The following ABCG8 variants were observed in gnomAD, a reference collection of about 807,000 sequenced individuals.
ABCG8 encodes the protein ATP binding cassette subfamily G member 8, also known as ATP-binding cassette sub-family G member 8.
In ABCG8, 81 loss-of-function variants were observed where a neutral mutation model predicts 71.3. The observed-to-expected ratio is 1.14, with a 90% CI of 0.95 to 1.37. ABCG8 has a LOEUF of 1.37. Ranked by LOEUF, ABCG8 falls within the 40% of genes most tolerant of loss-of-function variation. ABCG8 has a pLI of 0.00. For missense variants in ABCG8, 1,119 were observed against 866.2 expected (o/e 1.29, Z -3.66); for synonymous variants, 451 against 354.7 (o/e 1.27, Z -3.05).
At position 43,877,866 on chromosome 2, in the gene ABCG8, T is replaced by A; in HGVS notation, c.1975T>A (p.Tyr659Asn). 1.9e-6 allele frequency: 3 copies of A among 1,614,122 alleles called. No individual in the cohort carries two copies. The highest frequency in any genetic ancestry group is 2.5e-6 in the Non-Finnish European group (3 of 1,180,016). The change falls in exon 13 of 13, where the codon TAC (tyrosine) becomes AAC (asparagine). Residue 659 changes from tyrosine to asparagine, a missense_variant. Tyr to Asn is a moderately radical substitution (Grantham distance 143). Coordinates refer to ENST00000272286, the MANE Select transcript of ABCG8 (RefSeq NM_022437.3). The part of the protein sequence containing the change: ...GLSGGFMVLY[Y>N]VSLRFIKQKP... Reference sequence around the variant, plus strand: ...CAGCGGTGGCTTCATGGTCCTGTACTACGTGTCCTTAAGGTTCATCAAACA... The same window carrying A: ...CAGCGGTGGCTTCATGGTCCTGTACAACGTGTCCTTAAGGTTCATCAAACA...
intron 6 of ABCG8, among the ~76,000 whole-genome samples, chr2:43,860,403 A>G (rs1669269058): frequency 6.6e-6 from 1 of 150,624 alleles, no homozygotes; most frequent in Admixed American, 6.6e-5. Flanking sequence ...TGTTTGGTAC[A>G]GTTCTCACGA....
At chr2:43,877,098 G>A (rs1168103081) in intron 11 of ABCG8, among the ~76,000 whole-genome samples, 1 of 145,318 alleles carries the variant, frequency 6.9e-6, no homozygotes, top group African/African-American at 2.6e-5. Flanking sequence ...AGGAAACTGT[G>A]AATATGGGGG....
chr2:43,851,742 T>G lies in ABCG8; in HGVS notation c.481T>G (p.Leu161Val). ...CCAGCACAACCAGCTGCTCCCCAACTTGACTGTGCGAGAGACCTTGGCCTT... is the reference window on the plus strand; with the variant it reads ...CCAGCACAACCAGCTGCTCCCCAACGTGACTGTGCGAGAGACCTTGGCCTT... The part of the protein sequence containing the change: ...VRQHNQLLPN[L>V]TVRETLAFIA... Residue 161 changes from leucine (L) to valine (V), a missense_variant, in exon 4 of 13, where the codon TTG (leucine) becomes GTG (valine). Leu to Val is a conservative substitution (Grantham distance 32, BLOSUM62 1). Coordinates refer to ENST00000272286, the MANE Select transcript of ABCG8 (RefSeq NM_022437.3). 6.2e-7 allele frequency: 1 copy of G among 1,614,236 alleles called. No homozygotes were observed. The highest frequency in any genetic ancestry group is 8.5e-7 in the Non-Finnish European group (1 of 1,180,034).
intron 3 of ABCG8, chr2:43,846,866 C>T (rs1360890489): frequency 5.3e-6 from 1 of 189,066 alleles, no homozygotes; most frequent in Non-Finnish European, 1.1e-5. Context: ...GCTTGGGGAA[C>T]AGAGGTCATT....
rs530764877 is a variant in ABCG8 at position 43,866,293 on chromosome 2, T to C, written c.965-5683T>C. 7.3e-3 allele frequency among the ~76,000 whole-genome samples: 1,102 copies of C among 151,446 alleles called. 7 individuals carry two copies. Among genetic ancestry groups the C allele is most frequent in the Non-Finnish European group, 0.012 (780 of 67,660 alleles). On this transcript the variant is annotated intron_variant, in intron 6 of 12. Coordinates refer to ENST00000272286, the MANE Select transcript of ABCG8 (RefSeq NM_022437.3). ...TCAGGACATAGGCACGGGCAAGGACTTCATGTCTAAAACACCAAAAGCAAT... is the reference window on the plus strand; with the variant it reads ...TCAGGACATAGGCACGGGCAAGGACCTCATGTCTAAAACACCAAAAGCAAT...
At chr2:43,876,887 C>G (rs1368766198) in intron 11 of ABCG8, among the ~76,000 whole-genome samples, 1 of 146,288 alleles carries the variant, frequency 6.8e-6, no homozygotes, top group Non-Finnish European at 1.5e-5. Context: ...ATGGGGAGAC[C>G]ATGGGAATAT....
rs1485220077 is a variant in ABCG8 at position 43,852,418 on chromosome 2, A to G, written c.626A>G (p.Tyr209Cys). 1 of 1,612,614 alleles carries G rather than the reference A, an allele frequency of 6.2e-7. No individual in the cohort carries two copies. Among genetic ancestry groups the G allele is most frequent in the South Asian group, 1.1e-5 (1 of 91,010 alleles). The change falls in exon 5 of 13, where the codon TAC (tyrosine) becomes TGC (cysteine). Residue 209 changes from tyrosine (Y) to cysteine (C), a missense_variant. Physicochemically the swap from Tyr to Cys is radical, Grantham distance 194 (BLOSUM62 -2). Coordinates refer to ENST00000272286, the MANE Select transcript of ABCG8 (RefSeq NM_022437.3). The stretch of plus-strand genomic sequence containing the variant: ...GCTGACACCCGCGTGGGCAACATGT[A>G]CGTGCGGGGGTTGTCGGGGGGTGAG... ...QCADTRVGNM[Y>C]VRGLSGGERR...
chr2:43,868,109 G>T (rs1669599277), intron 6 of ABCG8, among the ~76,000 whole-genome samples: 1 of 150,998 alleles, frequency 6.6e-6, no homozygotes, highest in African/African-American at 2.4e-5. Context: ...CTCACTGTCT[G>T]CCTGGATCGA....
Position 43,846,227 on chromosome 2 carries a change from T to C in ABCG8, c.238T>C (p.Cys80Arg). The change falls in exon 3 of 13, where the codon TGC becomes CGC. Residue 80 changes from cysteine to arginine, a missense_variant. Transcript: ENST00000272286. ...QFKMPWTSPS[C>R]QNSCELGIQN... is the part of the protein sequence containing the mutation. Reference sequence around the variant, plus strand: ...CAAGATGCCCTGGACATCTCCCAGCTGCCAGAATTCTTGTGAGCTGGGCAT... The same window carrying C: ...CAAGATGCCCTGGACATCTCCCAGCCGCCAGAATTCTTGTGAGCTGGGCAT... The C allele has an allele frequency of 1.9e-6, 3 of 1,614,180 alleles. No homozygotes were observed. The highest frequency in any genetic ancestry group is 2.5e-6 in the Non-Finnish European group (3 of 1,180,016).
At position 43,843,857 on chromosome 2, in the gene ABCG8, T is replaced by A. The variant is rs369377203; in HGVS notation, c.64-650T>A. On this transcript the variant is annotated intron_variant, in intron 1 of 12. Coordinates refer to ENST00000272286, the MANE Select transcript of ABCG8 (RefSeq NM_022437.3). ...TTCGACAATAACAACAACATGATGATGATGATGAGAGGGACTTCCTCTCAA... is the reference window on the plus strand; with the variant it reads ...TTCGACAATAACAACAACATGATGAAGATGATGAGAGGGACTTCCTCTCAA... 3.9e-5 allele frequency among the ~76,000 whole-genome samples: 6 copies of A among 152,294 alleles called. No individual in the cohort carries two copies. In the East Asian group the frequency reaches 9.6e-4, roughly 24 times the overall value.
chr2:43,851,555 T>C, intron 3 of ABCG8, 29 bp from the exon 4 acceptor site: 1 of 1,612,450 alleles, frequency 6.2e-7, no homozygotes, highest in Non-Finnish European at 8.5e-7. Context: ...GAAGCTCCGC[T>C]CTCAGGGATA....
At chr2:43,868,447 G>C (rs1669613616) in intron 6 of ABCG8, among the ~76,000 whole-genome samples, 1 of 148,842 alleles carries the variant, frequency 6.7e-6, no homozygotes, top group African/African-American at 2.5e-5. Flanking sequence ...GATAGAATTC[G>C]CACTATCTAT....
Position 43,879,943 on chromosome 2 carries a change from C to T in ABCG8, c.*2030C>T, listed in dbSNP as rs890597939. ...CATTTTGTAAGTGGGTACTTTGAAA[C>T]TATGTAAATTGTAAACTTTCCATTT... On this transcript the variant is annotated 3_prime_UTR_variant, in exon 13 of 13. Transcript: ENST00000272286. The T allele has an allele frequency of 7.9e-5, 12 of 152,164 alleles. No homozygotes were observed. Among genetic ancestry groups the T allele is most frequent in the African/African-American group, 2.9e-4 (12 of 41,448 alleles). The allele number at this position is 152,164 out of a possible 1,614,324, so 9.4% of individuals were successfully genotyped here.
At chr2:43,852,204 A>G (rs541214631) in intron 4 of ABCG8, 150 bp from the exon 5 acceptor site, 37 of 1,091,180 alleles carry the variant, frequency 3.4e-5, no homozygotes, top group East Asian at 4.9e-5. Context: ...AGGGGAACCA[A>G]TGTTGCAGCT....
intron 4 of ABCG8, 86 bp downstream of exon 4, chr2:43,851,908 G>A: frequency 6.8e-7 from 1 of 1,471,194 alleles, no homozygotes. Context: ...CTTGCCTCAG[G>A]ACCCAGCCGC....
chr2:43,874,525 G>T (rs1450940176), intron 10 of ABCG8, 42 bp downstream of exon 10: 1 of 1,495,748 alleles, frequency 6.7e-7, no homozygotes, highest in Non-Finnish European at 9.3e-7. Context: ...CCACCCACCA[G>T]GGTGGGGGTA....
intron 6 of ABCG8, among the ~76,000 whole-genome samples, chr2:43,865,038 A>G (rs997749153): frequency 1.5e-4 from 23 of 152,048 alleles, no homozygotes; most frequent in African/African-American, 4.8e-4. Flanking sequence ...CTATCTGGAT[A>G]GAATTCTCAC....
intron 1 of ABCG8, among the ~76,000 whole-genome samples, chr2:43,843,923 C>A (rs1313886528): frequency 6.6e-6 from 1 of 152,156 alleles, no homozygotes; most frequent in African/African-American, 2.4e-5. Context: ...TGCATGAACT[C>A]TTCATCAAAA....
chr2:43,864,272 A>G (rs1400341857), intron 6 of ABCG8, among the ~76,000 whole-genome samples: 1 of 151,336 alleles, frequency 6.6e-6, no homozygotes, highest in Non-Finnish European at 1.5e-5. Flanking sequence ...AACTCTCACT[A>G]TCTATTTTCA....
Sources: allele counts gnomAD v4.1 joint callset (sites outside exome capture counted in the v4.1 genomes callset), GRCh38; gene constraint gnomAD v4.1.1; transcripts MANE v1.5; gene names NCBI Gene and HGNC (gene_info 2026-07-23, HGNC 2026-07-21).